Variants in ZSCAN20 observed in about 807,000 individuals in gnomAD.
The protein encoded by ZSCAN20 is zinc finger and SCAN domain-containing protein 20.
A neutral mutation model predicts 97.1 loss-of-function variants in ZSCAN20; 39 were observed. The ratio of observed to expected loss-of-function variants is 0.40; its 90% CI spans 0.31 to 0.52. The LOEUF (loss-of-function observed/expected upper bound fraction) is 0.52, where lower values mean the gene tolerates loss of function less well. ZSCAN20 is among the 20% of genes least tolerant of loss of function. ZSCAN20 has a pLI of 0.49. For missense variants in ZSCAN20, 1,115 were observed against 1,290.4 expected, an observed-to-expected ratio of 0.86 and a Z score of 2.08; for synonymous variants, 456 against 467.3, an observed-to-expected ratio of 0.98 and a Z score of 0.31.
At chr1:33,485,137 T>C (rs1652309103) in intron 2 of ZSCAN20, among the ~76,000 whole-genome samples, 1 of 152,200 alleles carries the variant, frequency 6.6e-6, no homozygotes. Flanking sequence ...CTGAGCTTGG[T>C]GCTTTGTGTT....
chr1:33,475,846 T>A (rs1395393605), intron 1 of ZSCAN20, among the ~76,000 whole-genome samples: 5 of 151,726 alleles, frequency 3.3e-5, no homozygotes, highest in Admixed American at 2.0e-4. Flanking sequence ...TTTTTTGTAT[T>A]TTTAGTAGAG....
chr1:33,482,930 G>A (rs1329433129), intron 2 of ZSCAN20, among the ~76,000 whole-genome samples: 2 of 152,252 alleles, frequency 1.3e-5, no homozygotes, highest in Middle Eastern at 3.4e-3. Flanking sequence ...TTACTCTTGA[G>A]TTTTAAGAGT....
intron 1 of ZSCAN20, among the ~76,000 whole-genome samples, chr1:33,473,133 T>TTACCTCCCTAA (rs1651790863): frequency 6.6e-6 from 1 of 152,106 alleles, no homozygotes; most frequent in Non-Finnish European, 1.5e-5. Context: ...TCCCTAATGA[T>TTACCTCCCTAA]TGTTACCTCT....
chr1:33,479,032 T>C, intron 1 of ZSCAN20, 147 bp from the exon 2 acceptor site: 1 of 374,968 alleles, frequency 2.7e-6, no homozygotes, highest in Non-Finnish European at 4.7e-6. Flanking sequence ...TGGTGCCAGA[T>C]TGTGGCCTTA....
At chr1:33,479,803 A>G in intron 2 of ZSCAN20, 98 bp downstream of exon 2, 1 of 1,280,988 alleles carries the variant, frequency 7.8e-7, no homozygotes, top group Non-Finnish European at 1.0e-6. Context: ...AAAAATAACA[A>G]TAGTTATTGA....
rs1652840615 is a variant in ZSCAN20 at position 33,495,763 on chromosome 1, A to G, written c.*287A>G. The G allele has an allele frequency of 4.1e-6, 1 of 245,540 alleles. No individual in the cohort carries two copies. The allele number at this position is 245,540 out of a possible 1,614,324, so 15.2% of individuals were successfully genotyped here. A position where few individuals can be genotyped will look rare whatever the true frequency, so the allele number is the denominator to read the frequency against. ...TGTCAGTATTTGAGCCAAACTGGCA[A>G]CTTACGAGATTAGAGTTAAATCAGT... is the stretch of plus-strand genomic sequence containing the variant. On this transcript the variant is annotated 3_prime_UTR_variant, in exon 8 of 8. Transcript: ENST00000684572.
intron 4 of ZSCAN20, 106 bp from the exon 5 acceptor site, chr1:33,489,412 A>G: frequency 8.5e-7 from 1 of 1,175,408 alleles, no homozygotes; most frequent in Non-Finnish European, 1.2e-6. Flanking sequence ...AGCTTCACAC[A>G]TGGTATCCCT....
chr1:33,498,934 C>A lies in ZSCAN20; in HGVS notation c.*3458C>A, dbSNP rs376550812. Among the ~76,000 whole-genome samples, 2 of 152,202 alleles carry A rather than the reference C, an allele frequency of 1.3e-5. No individual in the cohort carries two copies. The highest frequency in any genetic ancestry group is 4.8e-5 in the African/African-American group (2 of 41,454). On this transcript the variant is annotated 3_prime_UTR_variant, in exon 8 of 8. Transcript: ENST00000684572. ...AGGGGCCAAGACTTTTTCAGATACT[C>A]GGTTTTTTCTAAGGCCTTGACCTCA...
chr1:33,477,264 A>G (rs896289040), intron 1 of ZSCAN20, among the ~76,000 whole-genome samples: 4 of 152,176 alleles, frequency 2.6e-5, no homozygotes, highest in African/African-American at 7.2e-5. Flanking sequence ...TCCTAAGCAT[A>G]TGGAGGCCTT....
intron 5 of ZSCAN20, among the ~76,000 whole-genome samples, chr1:33,490,711 A>G (rs1240794436): frequency 6.6e-6 from 1 of 151,190 alleles, no homozygotes; most frequent in Non-Finnish European, 1.5e-5. Context: ...CCAGCCATGG[A>G]GTTCAGTCTA....
At position 33,479,658 on chromosome 1, in the gene ZSCAN20, G is replaced by A. The variant is rs372407585; in HGVS notation, c.370G>A (p.Ala124Thr). The change falls in exon 2 of 8, where the codon GCC becomes ACC. Residue 124 changes from alanine (A) to threonine (T), a missense_variant. Around this residue, in one of 3 missense-constraint regions of ZSCAN20, gnomAD observed 508 missense variants for 611.2 expected, o/e 0.83. Coordinates refer to ENST00000684572, the MANE Select transcript of ZSCAN20 (RefSeq NM_001377376.1). ...CCCTGAGAGTGGTGAGGAGGCTGTG[G>A]CCTTGGTGGAGGATTGGCACCGAGA... Reference protein sequence around the residue: ...RHPESGEEAVALVEDWHRETR... With the variant: ...RHPESGEEAVTLVEDWHRETR... 59 of 1,597,292 alleles carry A rather than the reference G, an allele frequency of 3.7e-5. No homozygotes were observed. Among genetic ancestry groups the A allele is most frequent in the Non-Finnish European group, 4.4e-5 (52 of 1,173,770 alleles).
At chr1:33,485,348 T>C (rs1652319657) in intron 2 of ZSCAN20, among the ~76,000 whole-genome samples, 1 of 152,208 alleles carries the variant, frequency 6.6e-6, no homozygotes, top group Admixed American at 6.5e-5. Flanking sequence ...TTTCAGTGTC[T>C]ATGGGATCTG....
intron 2 of ZSCAN20, among the ~76,000 whole-genome samples, chr1:33,485,480 G>A (rs1226711438): frequency 6.6e-6 from 1 of 151,920 alleles, no homozygotes; most frequent in Non-Finnish European, 1.5e-5. Flanking sequence ...TGGGACCTTG[G>A]CTCACTGCAC....
intron 1 of ZSCAN20, among the ~76,000 whole-genome samples, chr1:33,477,813 A>G (rs183768723): frequency 5.5e-4 from 83 of 151,828 alleles, no homozygotes; most frequent in African/African-American, 2.0e-3. Flanking sequence ...CTAGTGGGTA[A>G]GAAAATTACA....
chr1:33,488,172 T>G (rs533403657), intron 2 of ZSCAN20, among the ~76,000 whole-genome samples: 4 of 152,214 alleles, frequency 2.6e-5, no homozygotes, highest in Non-Finnish European at 4.4e-5. Context: ...GGGTTATTTT[T>G]TAATGTTACA....
At chr1:33,486,582 A>AT (rs1394476587) in intron 2 of ZSCAN20, among the ~76,000 whole-genome samples, 1 of 152,172 alleles carries the variant, frequency 6.6e-6, no homozygotes, top group African/African-American at 2.4e-5. Flanking sequence ...TGACCTACTA[A>AT]TTTTTTGTCT....
At chr1:33,492,111 T>C (rs1307771707) in intron 6 of ZSCAN20, 1 of 159,494 alleles carries the variant, frequency 6.3e-6, no homozygotes, top group Non-Finnish European at 1.4e-5. Context: ...GAGTGAAATA[T>C]TGAACAGATA....
At chr1:33,494,060 A>G (rs562895565) in intron 7 of ZSCAN20, among the ~76,000 whole-genome samples, 158 bp from the exon 8 acceptor site, 22 of 152,326 alleles carry the variant, frequency 1.4e-4, no homozygotes, top group East Asian at 9.6e-4. Context: ...AAACTTGATC[A>G]ATTTCTTGTT....
At chr1:33,479,831 C>T in intron 2 of ZSCAN20, 126 bp downstream of exon 2, 1 of 1,035,956 alleles carries the variant, frequency 9.7e-7, no homozygotes, top group Non-Finnish European at 1.4e-6. Context: ...CACTTATTGA[C>T]CACTACTGTA....
Sources: gnomAD v4.1 joint callset for allele counts (sites outside exome capture counted in the v4.1 genomes callset) on GRCh38, gnomAD v4.1.1 for gene constraint, gnomAD v4.1.1 regional missense constraint, MANE v1.5 for transcripts, NCBI Gene and HGNC (gene_info 2026-07-23, HGNC 2026-07-21) for gene names.